Variants in SCUBE2 observed in about 807,000 individuals in gnomAD.
The protein encoded by SCUBE2 is signal peptide, CUB and EGF-like domain-containing protein 2.
A neutral mutation model predicts 125.9 loss-of-function variants in SCUBE2; 114 were observed. The observed-to-expected ratio is 0.91, with a 90% CI of 0.78 to 1.06. SCUBE2 has a LOEUF of 1.06. SCUBE2 is among the 50% of genes least tolerant of loss of function. SCUBE2 has a pLI of 0.00. For missense variants in SCUBE2, 1,255 were observed against 1,301.8 expected, an observed-to-expected ratio of 0.96 and a Z score of 0.55; for synonymous variants, 459 against 492.9, an observed-to-expected ratio of 0.93 and a Z score of 0.91.
At chr11:9,058,595 C>CAA (rs61409328) in intron 9 of SCUBE2, among the ~76,000 whole-genome samples, 832 of 44,356 alleles carry the variant, frequency 0.019, 51 homozygotes, top group East Asian at 0.029. Flanking sequence ...GACTCTGTCT[C>CAA]AAAAAAAAAA....
intron 21 of SCUBE2, among the ~76,000 whole-genome samples, chr11:9,022,982 G>A (rs570176505): frequency 6.6e-6 from 1 of 152,056 alleles, no homozygotes; most frequent in South Asian, 2.1e-4. Context: ...TTGGCTGGTC[G>A]GGGAGGAAGA....
At position 9,047,464 on chromosome 11, in the gene SCUBE2, G is replaced by A; in HGVS notation, c.1894C>T (p.Leu632Phe). 2 of 1,614,100 alleles carry A rather than the reference G, an allele frequency of 1.2e-6. No individual in the cohort carries two copies. ...RKAVHREQFH[L>F]QLSGMNLDVA... ...TCGAGGTTCATGCCTGAGAGCTGGAGGTGAAACTGCTCCCTGTGGACGGCC... is the reference window on the plus strand; with the variant it reads ...TCGAGGTTCATGCCTGAGAGCTGGAAGTGAAACTGCTCCCTGTGGACGGCC... The change falls in exon 16 of 23, where the codon CTC (leucine) becomes TTC (phenylalanine). Residue 632 changes from leucine (L) to phenylalanine (F), a missense_variant. Physicochemically the swap from Leu to Phe is conservative, Grantham distance 22. Transcript: ENST00000649792.
intron 3 of SCUBE2, among the ~76,000 whole-genome samples, chr11:9,077,268 GT>G (rs1861280651): frequency 1.3e-5 from 2 of 151,976 alleles, no homozygotes; most frequent in African/African-American, 2.4e-5. Flanking sequence ...CTAGGTGATG[GT>G]TTTTTTTAAG....
chr11:9,069,236 G>GTCGGTA (rs1860541463), intron 5 of SCUBE2, 134 bp downstream of exon 5: 1 of 1,077,360 alleles, frequency 9.3e-7, no homozygotes, highest in Non-Finnish European at 1.4e-6. Flanking sequence ...CTTGGTAGAG[G>GTCGGTA]TCGGTATCCC....
At chr11:9,085,664 T>G (rs912675795) in intron 2 of SCUBE2, among the ~76,000 whole-genome samples, 3 of 151,836 alleles carry the variant, frequency 2.0e-5, no homozygotes, top group Admixed American at 6.6e-5. Context: ...AGGCGGAGGT[T>G]GCAATAAGCC....
Position 9,091,540 on chromosome 11 carries a change from C to A in SCUBE2, c.-12G>T, listed in dbSNP as rs1331367595. On this transcript the variant is annotated 5_prime_UTR_variant, in exon 1 of 23. Coordinates refer to ENST00000649792, the MANE Select transcript of SCUBE2 (RefSeq NM_001367977.2). The surrounding 1 kb of genome is among the most constrained non-coding windows in gnomAD (Gnocchi z 8.5). ...CCCGCGACCCCCATGGATGGCTCAG[C>A]GGTTGCGGGCAGAGGCGGCGGAGTG... 2.2e-5 allele frequency: 15 copies of A among 677,700 alleles called. No homozygotes were observed. The highest frequency in any genetic ancestry group is 3.0e-5 in the Non-Finnish European group (15 of 496,896). 42.0% of individuals were successfully genotyped at this position (677,700 alleles called of 1,614,324 possible). A position where few individuals can be genotyped will look rare whatever the true frequency, so the allele number is the denominator to read the frequency against.
At position 9,053,736 on chromosome 11, in the gene SCUBE2, TG is replaced by T. The variant is rs1254059680; in HGVS notation, c.1230del (p.Asn410LysfsTer10). 1 of 1,614,134 alleles carries T rather than the reference TG, an allele frequency of 6.2e-7. No individual in the cohort carries two copies. The highest frequency in any genetic ancestry group is 8.5e-7 in the Non-Finnish European group (1 of 1,180,002). On this transcript the variant is annotated frameshift_variant, in exon 11 of 23. Coordinates refer to ENST00000649792, the MANE Select transcript of SCUBE2 (RefSeq NM_001367977.2). LOFTEE classifies it high-confidence loss of function. ...HCGDTNECSINNGGCQQVCVN... is the reference protein window; with the variant it reads ...HCGDTNECSIXNGGCQQVCVN... ...ACACAGACCTGCTGACAGCCTCCGTTGTTGATGCTGCACTCATTGGTGTCTG... is the reference window on the plus strand; with the variant it reads ...ACACAGACCTGCTGACAGCCTCCGTTTTGATGCTGCACTCATTGGTGTCTG...
At position 9,033,725 on chromosome 11, in the gene SCUBE2, G is replaced by A; in HGVS notation, c.2074C>T (p.Gln692Ter). The A allele has an allele frequency of 6.2e-7, 1 of 1,614,074 alleles. No individual in the cohort carries two copies. Among genetic ancestry groups the A allele is most frequent in the Non-Finnish European group, 8.5e-7 (1 of 1,180,018 alleles). Reference protein sequence around the residue: ...RCILCPNGTFQNEEGQMTCEP... With the variant: ...RCILCPNGTF ...CAAGTCATTTGTCCTTCCTCATTTT[G>A]GAAGGTTCCATTTGGACATAAAATG... The change falls in exon 17 of 23, where the codon CAA becomes TAA. Residue 692 changes from glutamine (Q) to a stop codon, truncating the protein, a stop_gained. Transcript: ENST00000649792. LOFTEE classifies it high-confidence loss of function.
Position 9,025,833 on chromosome 11 carries a change from G to T in SCUBE2, c.2723C>A (p.Thr908Lys). Residue 908 changes from threonine to lysine, a missense_variant, in exon 21 of 23, where the codon ACA becomes AAA. Physicochemically the swap from Thr to Lys is moderately conservative, Grantham distance 78. Around this residue, in one of 3 missense-constraint regions of SCUBE2, gnomAD observed 515 missense variants for 515.7 expected, o/e 1.00. Coordinates refer to ENST00000649792, the MANE Select transcript of SCUBE2 (RefSeq NM_001367977.2). The part of the protein sequence containing the change: ...RKTSSSNSVT[T>K]YETCQTYERP... ...TTCGTAGGTCTGGCAGGTTTCATATGTTGTCACAGAATTGGATGAAGCTGC... is the reference window on the plus strand; with the variant it reads ...TTCGTAGGTCTGGCAGGTTTCATATTTTGTCACAGAATTGGATGAAGCTGC... 6.2e-7 allele frequency: 1 copy of T among 1,614,060 alleles called. No homozygotes were observed.
intron 4 of SCUBE2, among the ~76,000 whole-genome samples, chr11:9,071,755 C>T (rs548071470): frequency 3.4e-4 from 52 of 152,244 alleles, no homozygotes; most frequent in African/African-American, 1.3e-3. Flanking sequence ...TGACATAAAA[C>T]GGGTAACAGG....
At chr11:9,028,198 C>T (rs990589611) in intron 19 of SCUBE2, among the ~76,000 whole-genome samples, 1 of 135,834 alleles carries the variant, frequency 7.4e-6, no homozygotes, top group African/African-American at 2.8e-5. Context: ...TCAGGCCTGG[C>T]TAATTTTTTT....
intron 4 of SCUBE2, among the ~76,000 whole-genome samples, chr11:9,072,851 GA>G (rs1860917583): frequency 6.6e-6 from 1 of 152,246 alleles, no homozygotes; most frequent in Non-Finnish European, 1.5e-5. Flanking sequence ...ACAGTTTGCA[GA>G]AAGGAACTGC....
At position 9,068,826 on chromosome 11, in the gene SCUBE2, T is replaced by G. The variant is rs188950111; in HGVS notation, c.643+544A>C. Among the ~76,000 whole-genome samples the G allele has an allele frequency of 2.6e-5, 4 of 152,364 alleles. No homozygotes were observed. In the East Asian group the frequency reaches 7.7e-4, roughly 29 times the overall value. On this transcript the variant is annotated intron_variant, in intron 5 of 22. Coordinates refer to ENST00000649792, the MANE Select transcript of SCUBE2 (RefSeq NM_001367977.2). ...TATGGCACATCTTGAGACAAGCCTT[T>G]GCACAAAATAAATTCCCCACCAAAA... is the stretch of plus-strand genomic sequence containing the variant.
rs778217177 is a variant in SCUBE2 at position 9,030,041 on chromosome 11, T to C, written c.2346A>G (p.Gln782=). 3.1e-6 allele frequency: 5 copies of C among 1,613,724 alleles called. No homozygotes were observed. Among genetic ancestry groups the C allele is most frequent in the Non-Finnish European group, 3.4e-6 (4 of 1,179,656 alleles). ...TGTTGTAGAAATGTCCAGGTGAACA[T>C]TGAACTGTGGGTCAAGGGAGGGTGA... The part of the protein sequence containing the change: ...TSFQDCETRV[Q]CSPGHFYNTT... Residue 782 remains glutamine, a synonymous_variant, in exon 19 of 23, where the codon CAA becomes CAG. Coordinates refer to ENST00000649792, the MANE Select transcript of SCUBE2 (RefSeq NM_001367977.2).
rs56812404 is a variant in SCUBE2 at position 9,084,135 on chromosome 11, G to A, written c.257-4626C>T. Among the ~76,000 whole-genome samples the A allele has an allele frequency of 1.1e-3, 175 of 152,254 alleles. 3 individuals carry two copies. The highest frequency in any genetic ancestry group is 4.1e-3 in the African/African-American group (172 of 41,546). On this transcript the variant is annotated intron_variant, in intron 2 of 22. Coordinates refer to ENST00000649792, the MANE Select transcript of SCUBE2 (RefSeq NM_001367977.2). ...GGAGAAGCTATAAGATGATTCTAGA[G>A]CATGTTGTGGTACCAGAAAGTTAGG...
Position 9,059,419 on chromosome 11 carries a change from T to C in SCUBE2, c.974A>G (p.Asp325Gly). 3 of 1,613,978 alleles carry C rather than the reference T, an allele frequency of 1.9e-6. No homozygotes were observed. The highest frequency in any genetic ancestry group is 1.7e-6 in the Non-Finnish European group (2 of 1,179,884). ...ACCTCCATTGCGGGTCTGGCACTCA[T>C]CAATATCTGCAACAGGAAAGCATTG... is the stretch of plus-strand genomic sequence containing the variant. ...QLDGKTCKDI[D>G]ECQTRNGGCD... is the part of the protein sequence containing the mutation. The change falls in exon 9 of 23, where the codon GAT becomes GGT. Residue 325 changes from aspartate to glycine, a missense_variant. This residue lies in a region of SCUBE2 where 378 missense variants were observed against 463.1 expected (regional missense o/e 0.82). Transcript: ENST00000649792.
chr11:9,059,471 C>T, intron 8 of SCUBE2, 46 bp from the exon 9 acceptor site: 1 of 1,582,192 alleles, frequency 6.3e-7, no homozygotes, highest in South Asian at 1.1e-5. Context: ...ATACTTGCCT[C>T]ATTTCCCACA....
rs1384285694 is a variant in SCUBE2, at chr11:9,020,237, GAAATTAC to G, written c.*801_*807del. ...CAATTGATGATTCTCATCCACTGAG[GAAATTAC>G]ATTTCACCTGAACTCCCCAGTCCCT... On this transcript the variant is annotated 3_prime_UTR_variant, in exon 23 of 23. Coordinates refer to ENST00000649792, the MANE Select transcript of SCUBE2 (RefSeq NM_001367977.2). Among the ~76,000 whole-genome samples the G allele has an allele frequency of 6.6e-6, 1 of 152,114 alleles. No homozygotes were observed. The highest frequency in any genetic ancestry group is 1.9e-4 in the East Asian group (1 of 5,190).
chr11:9,082,527 G>C (rs747322493), intron 2 of SCUBE2, among the ~76,000 whole-genome samples: 2 of 152,088 alleles, frequency 1.3e-5, no homozygotes, highest in Non-Finnish European at 2.9e-5. Flanking sequence ...TCATGCAAGT[G>C]TTCACAGCAA....
Sources: gnomAD v4.1 joint callset for allele counts (sites outside exome capture counted in the v4.1 genomes callset) on GRCh38, gnomAD v4.1.1 for gene constraint, gnomAD v4.1.1 regional missense constraint, Gnocchi (gnomAD v3.1) non-coding constraint, MANE v1.5 for transcripts, NCBI Gene and HGNC (gene_info 2026-07-23, HGNC 2026-07-21) for gene names.